The following LTBP2 variants were observed in gnomAD, a reference collection of about 807,000 sequenced individuals.
LTBP2 encodes the protein latent transforming growth factor beta binding protein 2.
LTBP2 carries 103 observed loss-of-function variants against 210.6 expected under a neutral mutation model. The observed-to-expected ratio is 0.49, with a 90% CI of 0.42 to 0.58. The LOEUF is 0.58. Among genes scored for constraint, LTBP2 ranks in the 20% least tolerant of loss-of-function variants. The probability of loss-of-function intolerance (pLI) is 0.00; values close to 1 mark genes in which losing one functional copy is unlikely to be tolerated. For synonymous variants in LTBP2, 1,007 were observed against 1,015.0 expected (o/e 0.99, Z 0.15); for missense variants, 2,313 against 2,494.5 (o/e 0.93, Z 1.55).
At chr14:74,535,414 T>G (rs2087407746) in intron 9 of LTBP2, among the ~76,000 whole-genome samples, 1 of 152,132 alleles carries the variant, frequency 6.6e-6, no homozygotes, top group Non-Finnish European at 1.5e-5. Context: ...CAGGAGCCTG[T>G]CCCAGGCAGG....
chr14:74,510,310 C>T (rs1467716015), intron 19 of LTBP2, 97 bp from the exon 20 acceptor site: 1 of 1,574,432 alleles, frequency 6.4e-7, no homozygotes, highest in Non-Finnish European at 8.6e-7. Flanking sequence ...GGCCAGGGAA[C>T]CAGCCTTCAG....
Position 74,528,893 on chromosome 14 carries a change from T to C in LTBP2, c.2152+65A>G, listed in dbSNP as rs554255732. On this transcript the variant is annotated intron_variant, in intron 11 of 35. Coordinates refer to ENST00000261978, the MANE Select transcript of LTBP2 (RefSeq NM_000428.3). ...AGATTGAGGGAAGTCTACCCAGGCC[T>C]GGCAACATGGTCACTGGCCTTGAGC... is the stretch of plus-strand genomic sequence containing the variant. The C allele has an allele frequency of 4.4e-6, 7 of 1,585,336 alleles. No homozygotes were observed. The East Asian group carries it at 1.6e-4, about 36-fold the overall frequency.
Position 74,498,348 on chromosome 14 carries a change from T to A in LTBP2, c.*2536A>T, listed in dbSNP as rs1006371975. 1 of 191,760 alleles carries A rather than the reference T, an allele frequency of 5.2e-6. No individual in the cohort carries two copies. The highest frequency in any genetic ancestry group is 1.1e-5 in the Non-Finnish European group (1 of 91,690). 11.9% of individuals were successfully genotyped at this position (191,760 alleles called of 1,614,324 possible). A position where few individuals can be genotyped will look rare whatever the true frequency, so the allele number is the denominator to read the frequency against. On this transcript the variant is annotated 3_prime_UTR_variant, in exon 36 of 36. Transcript: ENST00000261978. ...GTTCTAAGAATTTATCCTGCAGATG[T>A]AATCCCATAAATTAATGTGAAATAT...
chr14:74,611,852 G>A lies in LTBP2; in HGVS notation c.93C>T (p.Gly31=), dbSNP rs773946704. 7 of 1,610,986 alleles carry A rather than the reference G, an allele frequency of 4.3e-6. No individual in the cohort carries two copies. The African/African-American group carries it at 8.0e-5, about 18-fold the overall frequency. Residue 31 remains glycine (G), a synonymous_variant, in exon 1 of 36, where the codon GGC becomes GGT. Transcript: ENST00000261978. ...FLPLTLALFV[G]AGHAQRDPVG... Reference sequence around the variant, plus strand: ...CGGGGTCCCTTTGGGCATGACCCGCGCCCACGAAGAGAGCCAGGGTGAGCG... The same window carrying A: ...CGGGGTCCCTTTGGGCATGACCCGCACCCACGAAGAGAGCCAGGGTGAGCG...
intron 34 of LTBP2, chr14:74,501,832 A>G (rs2086914689): frequency 3.5e-6 from 2 of 563,948 alleles, no homozygotes; most frequent in South Asian, 4.1e-5. Context: ...GGCTCCAGGG[A>G]GGCTGAGACT....
intron 28 of LTBP2, among the ~76,000 whole-genome samples, chr14:74,505,825 C>T (rs1161161262): frequency 6.6e-6 from 1 of 152,176 alleles, no homozygotes; most frequent in African/African-American, 2.4e-5. Flanking sequence ...TTTCCTGAGC[C>T]TCCTCTAGGA....
In LTBP2 at chr14:74,500,540, G is replaced by A. The variant is rs558492468; in HGVS notation, c.*344C>T. 4.3e-6 allele frequency: 2 copies of A among 465,480 alleles called. No homozygotes were observed. The highest frequency in any genetic ancestry group is 4.2e-5 in the South Asian group (2 of 47,754). 28.8% of individuals were successfully genotyped at this position (465,480 alleles called of 1,614,324 possible). ...TTGTGGCTGGAAAGGGGTGTCTGCA[G>A]TGTGAGGCCATGGGGCCTTGCATGC... On this transcript the variant is annotated 3_prime_UTR_variant, in exon 36 of 36. Coordinates refer to ENST00000261978, the MANE Select transcript of LTBP2 (RefSeq NM_000428.3).
At chr14:74,522,289 C>G (rs1430093754) in intron 16 of LTBP2, among the ~76,000 whole-genome samples, 1 of 152,194 alleles carries the variant, frequency 6.6e-6, no homozygotes, top group Non-Finnish European at 1.5e-5. Context: ...GACTCCTTCC[C>G]CCAGTAGCCT....
intron 30 of LTBP2, 46 bp from the exon 31 acceptor site, chr14:74,504,100 G>A (rs2086951913): frequency 6.2e-7 from 1 of 1,607,572 alleles, no homozygotes; most frequent in Non-Finnish European, 8.5e-7. Context: ...GAGGCAGTAT[G>A]AGGGGTACCT....
chr14:74,537,765 T>C (rs1446943843), intron 8 of LTBP2, among the ~76,000 whole-genome samples: 1 of 152,076 alleles, frequency 6.6e-6, no homozygotes, highest in Non-Finnish European at 1.5e-5. Flanking sequence ...CTTCTTCTTC[T>C]TTTTTTTGAG....
In LTBP2 at chr14:74,528,414, C is replaced by T; in HGVS notation, c.2368+69G>A. 38 of 1,559,096 alleles carry T rather than the reference C, an allele frequency of 2.4e-5. No homozygotes were observed. The South Asian group carries it at 4.2e-4, about 17-fold the overall frequency. ...CCCAGGGACCCAGGATTAACACCCA[C>T]ACTTCTCTGAGGTGCTGGAAACTTA... On this transcript the variant is annotated intron_variant, in intron 12 of 35. Coordinates refer to ENST00000261978, the MANE Select transcript of LTBP2 (RefSeq NM_000428.3).
In LTBP2 at chr14:74,611,705, C is replaced by A; in HGVS notation, c.240G>T (p.Ala80=). The change falls in exon 1 of 36, where the codon GCG becomes GCT. Residue 80 remains alanine (A), a synonymous_variant. Coordinates refer to ENST00000261978, the MANE Select transcript of LTBP2 (RefSeq NM_000428.3). ...GGGCCCGCTCCACGGGCTGCAAGCC[C>A]GCGACAGGCGCGTCCTGCTCCCGGA... is the stretch of plus-strand genomic sequence containing the variant. ...SLFREQDAPV[A]GLQPVERAQP... 2 of 1,589,264 alleles carry A rather than the reference C, an allele frequency of 1.3e-6. No individual in the cohort carries two copies. The highest frequency in any genetic ancestry group is 1.7e-6 in the Non-Finnish European group (2 of 1,173,770).
chr14:74,500,408 G>A lies in LTBP2; in HGVS notation c.*476C>T. 1 of 355,666 alleles carries A rather than the reference G, an allele frequency of 2.8e-6. No homozygotes were observed. The highest frequency in any genetic ancestry group is 5.3e-6 in the Non-Finnish European group (1 of 188,866). The allele number at this position is 355,666 out of a possible 1,614,324, so 22.0% of individuals were successfully genotyped here. Reference sequence around the variant, plus strand: ...TTCTTAGGAGGGGGCTCTGGAGTCAGTCCCCAAGCTTCCCCAAATCCTTTC... The same window carrying A: ...TTCTTAGGAGGGGGCTCTGGAGTCAATCCCCAAGCTTCCCCAAATCCTTTC... On this transcript the variant is annotated 3_prime_UTR_variant, in exon 36 of 36. Coordinates refer to ENST00000261978, the MANE Select transcript of LTBP2 (RefSeq NM_000428.3).
chr14:74,555,356 G>A, intron 4 of LTBP2, 147 bp downstream of exon 4: 1 of 854,740 alleles, frequency 1.2e-6, no homozygotes, highest in Non-Finnish European at 1.9e-6. Context: ...CAAAGCAGGT[G>A]CTCAACAAGC....
intron 7 of LTBP2, 99 bp downstream of exon 7, chr14:74,550,965 T>C: frequency 6.8e-7 from 1 of 1,465,864 alleles, no homozygotes; most frequent in Non-Finnish European, 9.5e-7. Context: ...ACACTCACAT[T>C]CCATAAGAAC....
chr14:74,567,100 C>T (rs750249485), intron 3 of LTBP2, among the ~76,000 whole-genome samples: 10 of 152,168 alleles, frequency 6.6e-5, no homozygotes, highest in Non-Finnish European at 7.4e-5. Context: ...GGCAGGGAGA[C>T]GGAGGGAGGC....
intron 9 of LTBP2, among the ~76,000 whole-genome samples, chr14:74,533,344 C>A (rs1195945984): frequency 6.6e-6 from 1 of 152,206 alleles, no homozygotes; most frequent in Non-Finnish European, 1.5e-5. Context: ...GGCACAGAGT[C>A]ATTCAGCTGG....
At chr14:74,581,977 C>G (rs2088142482) in intron 3 of LTBP2, among the ~76,000 whole-genome samples, 1 of 151,928 alleles carries the variant, frequency 6.6e-6, no homozygotes, top group African/African-American at 2.4e-5. Context: ...GCCTTCAGGC[C>G]CCTTGTTGCC....
chr14:74,513,026 C>T (rs1285621964), intron 18 of LTBP2, among the ~76,000 whole-genome samples: 3 of 152,160 alleles, frequency 2.0e-5, no homozygotes, highest in South Asian at 2.1e-4. Context: ...ATGAAGAGAA[C>T]GAGATTGAGG....
Sources: allele counts gnomAD v4.1 joint callset (sites outside exome capture counted in the v4.1 genomes callset), GRCh38; gene constraint gnomAD v4.1.1; transcripts MANE v1.5; gene names NCBI Gene and HGNC (gene_info 2026-07-23, HGNC 2026-07-21).